Variants in EBF2 observed in about 807,000 individuals in gnomAD.
The protein encoded by EBF2 is transcription factor COE2.
Under a neutral mutation model 72.8 loss-of-function variants are expected in EBF2, and 21 were observed. That is an observed-to-expected ratio of 0.29 (90% confidence interval 0.20 to 0.42). The LOEUF is 0.42. Among genes scored for constraint, EBF2 ranks in the 10% least tolerant of loss-of-function variants. The pLI is 1.00. For synonymous variants in EBF2, 299 were observed against 274.2 expected, an observed-to-expected ratio of 1.09 and a Z score of -0.89; for missense variants, 637 against 731.2, an observed-to-expected ratio of 0.87 and a Z score of 1.49.
At chr8:26,039,964 C>A (rs1362830544) in intron 5 of EBF2, 64 bp downstream of exon 5, 1 of 1,571,642 alleles carries the variant, frequency 6.4e-7, no homozygotes, top group Admixed American at 1.7e-5. Context: ...GAACGCGGCG[C>A]GCCAAGGCGG....
intron 6 of EBF2, among the ~76,000 whole-genome samples, chr8:26,004,712 C>T (rs1056137072): frequency 1.7e-4 from 15 of 86,756 alleles, no homozygotes; most frequent in Non-Finnish European, 3.7e-4. Context: ...AGGTTTAAAA[C>T]AAAGTGGTCC....
chr8:25,972,308 C>A (rs1346546418), intron 6 of EBF2, among the ~76,000 whole-genome samples: 1 of 152,116 alleles, frequency 6.6e-6, no homozygotes, highest in Non-Finnish European at 1.5e-5. Flanking sequence ...GAGGGAGGCA[C>A]CATCCCTCAC....
At chr8:25,934,649 A>G (rs1344572952) in intron 6 of EBF2, among the ~76,000 whole-genome samples, 1 of 152,108 alleles carries the variant, frequency 6.6e-6, no homozygotes, top group Non-Finnish European at 1.5e-5. Flanking sequence ...TGCTCAACCA[A>G]AGTGACACAA....
chr8:26,029,844 A>C (rs566599859), intron 6 of EBF2, among the ~76,000 whole-genome samples: 31 of 152,208 alleles, frequency 2.0e-4, no homozygotes, highest in Non-Finnish European at 4.1e-4. Flanking sequence ...CGCAAGGCTG[A>C]TCCAAACCCC....
chr8:26,002,944 GGGCGGGCAGGCAGGCAGGCAGGCA>G (rs1804765722), intron 6 of EBF2, among the ~76,000 whole-genome samples: 2 of 14,126 alleles, frequency 1.4e-4, no homozygotes, highest in Non-Finnish European at 5.7e-4. Context: ...GCAGGCAGGC[GGGCGGGCAGGCAGGCAGGCAGGCA>G]GGTGGCCCTG....
chr8:25,908,956 C>T (rs1203321460), intron 6 of EBF2, among the ~76,000 whole-genome samples: 3 of 152,132 alleles, frequency 2.0e-5, no homozygotes, highest in African/African-American at 7.2e-5. Flanking sequence ...CAGGGCGTCT[C>T]GTCTGTGTGG....
At chr8:25,964,010 T>C (rs1211181501) in intron 6 of EBF2, among the ~76,000 whole-genome samples, 2 of 152,166 alleles carry the variant, frequency 1.3e-5, no homozygotes, top group African/African-American at 4.8e-5. Flanking sequence ...TGAAGCACTG[T>C]CTATATAGAA....
At chr8:25,956,061 G>C (rs966549359) in intron 6 of EBF2, among the ~76,000 whole-genome samples, 1 of 152,064 alleles carries the variant, frequency 6.6e-6, no homozygotes, top group Non-Finnish European at 1.5e-5. Context: ...AATATGTGTG[G>C]TACCAAATGG....
intron 6 of EBF2, among the ~76,000 whole-genome samples, chr8:25,930,764 C>T (rs767953971): frequency 6.6e-6 from 1 of 152,164 alleles, no homozygotes; most frequent in Non-Finnish European, 1.5e-5. Context: ...GCTACCTGTA[C>T]ATTTGAGGAT....
chr8:25,943,660 C>T (rs1310605969), intron 6 of EBF2, among the ~76,000 whole-genome samples: 2 of 152,148 alleles, frequency 1.3e-5, no homozygotes, highest in East Asian at 3.9e-4. Flanking sequence ...TTCCAGGGAC[C>T]TTCCCCATGG....
intron 6 of EBF2, among the ~76,000 whole-genome samples, chr8:25,930,722 G>A (rs1803465482): frequency 6.6e-6 from 1 of 152,166 alleles, no homozygotes; most frequent in African/African-American, 2.4e-5. Flanking sequence ...GGGATGATGA[G>A]ATCTGCCAGA....
At chr8:25,934,221 GCATACA>G (rs1381443382) in intron 6 of EBF2, among the ~76,000 whole-genome samples, 3 of 108,074 alleles carry the variant, frequency 2.8e-5, no homozygotes, top group Non-Finnish European at 3.6e-5. Flanking sequence ...GACTTCATGT[GCATACA>G]CACACACACA....
chr8:25,864,654 G>A (rs940945540), intron 10 of EBF2, among the ~76,000 whole-genome samples: 12 of 151,990 alleles, frequency 7.9e-5, no homozygotes, highest in African/African-American at 2.9e-4. Context: ...ACAATTTATT[G>A]AATGGTTTCT....
intron 10 of EBF2, among the ~76,000 whole-genome samples, chr8:25,885,629 G>C (rs1802677194): frequency 6.6e-6 from 1 of 152,130 alleles, no homozygotes; most frequent in Non-Finnish European, 1.5e-5. Context: ...CATGAGGGCA[G>C]TTTCTCCTAT....
At chr8:25,921,203 T>C (rs899439432) in intron 6 of EBF2, among the ~76,000 whole-genome samples, 23 of 152,198 alleles carry the variant, frequency 1.5e-4, no homozygotes, top group African/African-American at 5.5e-4. Flanking sequence ...GCCAAACCCA[T>C]GTAAAAATAT....
chr8:25,928,782 G>GAAAAAAAAAAA (rs71551838), intron 6 of EBF2, among the ~76,000 whole-genome samples: 1 of 110,368 alleles, frequency 9.1e-6, no homozygotes, highest in African/African-American at 3.7e-5. Context: ...ATTTTTAAAT[G>GAAAAAAAAAAA]AAAAAAAAAA....
At chr8:26,030,013 G>C (rs529180916) in intron 6 of EBF2, among the ~76,000 whole-genome samples, 1 of 152,292 alleles carries the variant, frequency 6.6e-6, no homozygotes, top group Admixed American at 6.5e-5. Flanking sequence ...CTGGGCCCAA[G>C]TGATCCTCCT....
rs1287094821 is a variant in EBF2 at position 25,917,199 on chromosome 8, G to T, written c.552-8644C>A. Among the ~76,000 whole-genome samples, 598 of 143,154 alleles carry T rather than the reference G, an allele frequency of 4.2e-3. 9 individuals carry two copies. Among genetic ancestry groups the T allele is most frequent in the East Asian group, 0.027 (132 of 4,910 alleles). The allele number at this position is 143,154 out of a possible 152,430, so 93.9% of individuals were successfully genotyped here. A position where few individuals can be genotyped will look rare whatever the true frequency, so the allele number is the denominator to read the frequency against. On this transcript the variant is annotated intron_variant, in intron 6 of 15. Transcript: ENST00000520164. ...GGTTTTTGTGTGTTTGTGGTTTGGG[G>T]TTTTTTTTTTTTTTATCCCCCCTTC...
At chr8:26,003,791 C>T (rs191023875) in intron 6 of EBF2, among the ~76,000 whole-genome samples, 213 of 152,276 alleles carry the variant, frequency 1.4e-3, no homozygotes, top group Non-Finnish European at 2.4e-3. Context: ...TGACCCACCC[C>T]ACCAAATTCA....
Sources: gnomAD v4.1 joint callset for allele counts (sites outside exome capture counted in the v4.1 genomes callset) on GRCh38, gnomAD v4.1.1 for gene constraint, MANE v1.5 for transcripts, NCBI Gene and HGNC (gene_info 2026-07-23, HGNC 2026-07-21) for gene names.